Variants in COLEC10 observed in about 807,000 individuals in gnomAD.
The protein encoded by COLEC10 is collectin subfamily member 10, also known as collectin-10.
Under a neutral mutation model 28.4 loss-of-function variants are expected in COLEC10, and 22 were observed. That is an observed-to-expected ratio of 0.78 (90% CI 0.55 to 1.11). The LOEUF is 1.11. COLEC10 is among the 50% of genes least tolerant of loss of function. The probability of loss-of-function intolerance (pLI) is 0.00; values close to 1 mark genes in which losing one functional copy is unlikely to be tolerated. For missense variants in COLEC10, 361 were observed against 344.1 expected (o/e 1.05, Z -0.39); for synonymous variants, 125 against 116.1 (o/e 1.08, Z -0.49).
At chr8:119,092,106 G>T (rs1815617043) in intron 3 of COLEC10, among the ~76,000 whole-genome samples, 2 of 128,846 alleles carry the variant, frequency 1.6e-5, no homozygotes, top group Non-Finnish European at 1.6e-5. Flanking sequence ...GTCTTGCTCT[G>T]TCACCCAGGC....
chr8:119,018,704 G>A (rs1041108239), intron 2 of COLEC10, among the ~76,000 whole-genome samples: 3 of 152,168 alleles, frequency 2.0e-5, no homozygotes, highest in East Asian at 1.9e-4. Context: ...TCTATGAAGA[G>A]TATAATACAA....
At chr8:119,077,916 C>T (rs1159796288) in intron 1 of COLEC10, among the ~76,000 whole-genome samples, 1 of 152,114 alleles carries the variant, frequency 6.6e-6, no homozygotes, top group Admixed American at 6.5e-5. Flanking sequence ...CATGTTTCTG[C>T]AGACTGTACA....
chr8:119,019,327 G>A (rs1171605278), intron 2 of COLEC10, among the ~76,000 whole-genome samples: 1 of 152,174 alleles, frequency 6.6e-6, no homozygotes, highest in African/African-American at 2.4e-5. Flanking sequence ...TGTCAGTGCA[G>A]TCCGTATTGA....
At position 119,106,253 on chromosome 8, in the gene COLEC10, TC is replaced by T. The variant is rs144190039; in HGVS notation, c.*64del. 3.4e-3 allele frequency: 5,167 copies of T among 1,499,216 alleles called. 146 individuals are homozygous for T. In the African/African-American group the frequency reaches 0.062, roughly 18 times the overall value. The allele number at this position is 1,499,216 out of a possible 1,614,324, so 92.9% of individuals were successfully genotyped here. A position where few individuals can be genotyped will look rare whatever the true frequency, so the allele number is the denominator to read the frequency against. ...CCGTCATTACAGTTATTGTTATCCATCCTTTTTTTCCTGATTGTACTACATT... is the reference window on the plus strand; with the variant it reads ...CCGTCATTACAGTTATTGTTATCCATCTTTTTTTCCTGATTGTACTACATT... On this transcript the variant is annotated 3_prime_UTR_variant, in exon 6 of 6. Coordinates refer to ENST00000332843, the MANE Select transcript of COLEC10 (RefSeq NM_006438.5).
At chr8:118,990,398 A>C in the COLEC10 span, among the ~76,000 whole-genome samples, 1 of 152,156 alleles carries the variant, frequency 6.6e-6, no homozygotes, top group Non-Finnish European at 1.5e-5. Context: ...TAGCTGATAC[A>C]ATTTGGAAAG....
At chr8:119,019,781 A>G (rs1219333305) in intron 2 of COLEC10, among the ~76,000 whole-genome samples, 1 of 152,158 alleles carries the variant, frequency 6.6e-6, no homozygotes, top group Admixed American at 6.5e-5. Flanking sequence ...GATGATGTAC[A>G]CCCAGTATCA....
intron 2 of COLEC10, among the ~76,000 whole-genome samples, chr8:119,026,912 G>A (rs1274685413): frequency 2.0e-5 from 3 of 152,122 alleles, no homozygotes; most frequent in East Asian, 3.9e-4. Context: ...GCATGACTTT[G>A]GGCAATGTGA....
At chr8:119,040,322 G>C (rs1039525253) in intron 2 of COLEC10, among the ~76,000 whole-genome samples, 8 of 152,118 alleles carry the variant, frequency 5.3e-5, no homozygotes, top group Admixed American at 3.9e-4. Context: ...GACCTATCAA[G>C]GCTATGGTCT....
intron 2 of COLEC10, among the ~76,000 whole-genome samples, chr8:119,050,959 T>C (rs756294383): frequency 1.3e-5 from 2 of 152,192 alleles, no homozygotes; most frequent in Non-Finnish European, 2.9e-5. Flanking sequence ...AAACTATTAA[T>C]ACTCCAGCTC....
Position 119,108,327 on chromosome 8 carries a change from C to T in COLEC10, c.*2136C>T, listed in dbSNP as rs188293687. ...AGAGACATGCAGCAAATGTTGCCTA[C>T]GGGCAACTTCATGTTAAGGATCCAT... is the stretch of plus-strand genomic sequence containing the variant. On this transcript the variant is annotated 3_prime_UTR_variant, in exon 6 of 6. Coordinates refer to ENST00000332843, the MANE Select transcript of COLEC10 (RefSeq NM_006438.5). 6.7e-4 allele frequency among the ~76,000 whole-genome samples: 102 copies of T among 152,264 alleles called. No homozygotes were observed. The highest frequency in any genetic ancestry group is 5.9e-4 in the Non-Finnish European group (40 of 68,018).
At chr8:118,965,636 A>C in the COLEC10 span, among the ~76,000 whole-genome samples, 1 of 152,010 alleles carries the variant, frequency 6.6e-6, no homozygotes, top group East Asian at 2.0e-4. Context: ...GCTTGGAGGA[A>C]GTGTGGGTGC....
intron 3 of COLEC10, among the ~76,000 whole-genome samples, chr8:119,097,062 A>T (rs1179045894): frequency 1.3e-5 from 2 of 152,140 alleles, no homozygotes; most frequent in East Asian, 3.8e-4. Flanking sequence ...TTTCAACAAC[A>T]TGAAAAATTT....
rs117244743 is a variant in COLEC10, at chr8:119,054,957, A to G, written n.236-34723A>G. Among the ~76,000 whole-genome samples, 1,465 of 152,154 alleles carry G rather than the reference A, an allele frequency of 9.6e-3. 20 individuals carry two copies. The highest frequency in any genetic ancestry group is 0.017 in the Non-Finnish European group (1,134 of 67,960). ...AGATCTTCTCGAAAGTAATTTATGA[A>G]AATACATTTTGAGAATTTTATATGA... is the stretch of plus-strand genomic sequence containing the variant. On this transcript the variant is annotated intron_variant and non_coding_transcript_variant, in intron 2 of 6. Transcript: ENST00000521788.
upstream of COLEC10, among the ~76,000 whole-genome samples, chr8:119,062,727 A>G (rs1415489766): frequency 2.6e-5 from 4 of 151,896 alleles, no homozygotes; most frequent in Non-Finnish European, 5.9e-5. Context: ...CAATCCACCC[A>G]CCTCGGCCTC....
intron 2 of COLEC10, among the ~76,000 whole-genome samples, chr8:119,043,356 T>A (rs2130159383): frequency 6.6e-6 from 1 of 152,242 alleles, no homozygotes; most frequent in Admixed American, 6.5e-5. Context: ...AGCCAGAGAA[T>A]TTGCCTAAAA....
chr8:118,968,340 A>G, the COLEC10 span, among the ~76,000 whole-genome samples: 1 of 151,960 alleles, frequency 6.6e-6, no homozygotes, highest in Non-Finnish European at 1.5e-5. Context: ...CTTTGCTCTT[A>G]TCCCTAAATG....
chr8:119,085,620 T>TTTG (rs1241104507), intron 1 of COLEC10, among the ~76,000 whole-genome samples: 10 of 115,958 alleles, frequency 8.6e-5, no homozygotes, highest in Admixed American at 2.8e-4. Flanking sequence ...TTTTTTTTTT[T>TTTG]TTGTTGTTGT....
chr8:118,969,687 TTC>T, the COLEC10 span, among the ~76,000 whole-genome samples: 1 of 151,466 alleles, frequency 6.6e-6, no homozygotes, highest in Admixed American at 6.6e-5. Context: ...GCTTGTTTCT[TTC>T]TTTCTTTTTT....
the COLEC10 span, among the ~76,000 whole-genome samples, chr8:118,986,852 C>T: frequency 6.6e-6 from 1 of 152,026 alleles, no homozygotes; most frequent in Non-Finnish European, 1.5e-5. Context: ...AATTTATAGA[C>T]ACAGAAAATT....
Sources: allele counts gnomAD v4.1 joint callset (sites outside exome capture counted in the v4.1 genomes callset), GRCh38; gene constraint gnomAD v4.1.1; transcripts MANE v1.5; gene names NCBI Gene and HGNC (gene_info 2026-07-23, HGNC 2026-07-21).